The following PLEC variants were observed in gnomAD, a reference collection of about 807,000 sequenced individuals.
PLEC encodes the protein hemidesmosomal protein 1.
In PLEC, 216 loss-of-function variants were observed where a neutral mutation model predicts 392.8. That is an observed-to-expected ratio of 0.55 (90% CI 0.49 to 0.62). The LOEUF (loss-of-function observed/expected upper bound fraction) is 0.62. Among genes scored for constraint, PLEC ranks in the 20% least tolerant of loss-of-function variants. The pLI is 0.00. For synonymous variants in PLEC, 3,621 were observed against 2,980.6 expected (o/e 1.21, Z -7.00); for missense variants, 6,863 against 6,563.4 (o/e 1.05, Z -1.58).
At position 143,923,964 on chromosome 8, in the gene PLEC, G is replaced by A. The variant is rs201465091; in HGVS notation, c.5965C>T (p.Arg1989Cys). 707 of 1,587,282 alleles carry A rather than the reference G, an allele frequency of 4.5e-4. No homozygotes were observed. The highest frequency in any genetic ancestry group is 5.9e-4 in the Non-Finnish European group (687 of 1,172,960). ...TCGGCCGCCAGGCTCTTCTGCACGC[G>A]CTCCTCAGCCTCACGGCGCCGCCGC... ...EERRRREAEE[R>C]VQKSLAAEEE... Residue 1989 changes from arginine (R) to cysteine (C), a missense_variant, in exon 31 of 32, where the codon CGC becomes TGC. Coordinates refer to ENST00000345136, the MANE Select transcript of PLEC (RefSeq NM_201384.3).
rs1586970289 is a variant in PLEC at position 143,927,514 on chromosome 8, G to A, written c.3652C>T (p.Pro1218Ser). The part of the protein sequence containing the change: ...QLRYYRESAD[P>S]LGAWLQDARR... ...GCGTCCTGCAGCCAGGCGCCCAAGG[G>A]GTCTGCACTCTCGCGGTAGTAACGC... The change falls in exon 27 of 32, where the codon CCC (proline) becomes TCC (serine). Residue 1218 changes from proline to serine, a missense_variant. By Grantham distance (74) the Pro-to-Ser change is moderately conservative (BLOSUM62 -1). Coordinates refer to ENST00000345136, the MANE Select transcript of PLEC (RefSeq NM_201384.3). 4 of 1,597,606 alleles carry A rather than the reference G, an allele frequency of 2.5e-6. No homozygotes were observed. The highest frequency in any genetic ancestry group is 1.7e-4 in the Middle Eastern group (1 of 6,056).
At chr8:143,935,416 G>A in intron 6 of PLEC, 103 bp from the exon 7 acceptor site, 1 of 796,006 alleles carries the variant, frequency 1.3e-6, no homozygotes, top group Non-Finnish European at 2.1e-6. Flanking sequence ...AGCAACCATG[G>A]ACCCCCCCAA....
At position 143,919,649 on chromosome 8, in the gene PLEC, G is replaced by A. The variant is rs782323037; in HGVS notation, c.10172C>T (p.Ala3391Val). Residue 3391 changes from alanine to valine, a missense_variant, in exon 32 of 32, where the codon GCG becomes GTG. Physicochemically the swap from Ala to Val is moderately conservative, Grantham distance 64 (BLOSUM62 0). Coordinates refer to ENST00000345136, the MANE Select transcript of PLEC (RefSeq NM_201384.3). ...CACCAGGAAGCCAGTGGCCGCCTGC[G>A]CCTCCAGCAGGAGCGCAGCCGTTGT... ...RATTAALLLE[A>V]QAATGFLVDP... The A allele has an allele frequency of 2.6e-5, 42 of 1,588,154 alleles. No individual in the cohort carries two copies. Among genetic ancestry groups the A allele is most frequent in the Middle Eastern group, 1.7e-4 (1 of 5,926 alleles).
At position 143,967,538 on chromosome 8, in the gene PLEC, G is replaced by A. The variant is rs141376975; in HGVS notation, c.70+5865C>T. On this transcript the variant is annotated intron_variant, in intron 1 of 31. Transcript: ENST00000356346. ...CACAGGCAACTTCGAAGTTTACGCCGAATACAAGTGTCCCTCGGTATCAGC... is the reference window on the plus strand; with the variant it reads ...CACAGGCAACTTCGAAGTTTACGCCAAATACAAGTGTCCCTCGGTATCAGC... Among the ~76,000 whole-genome samples, 401 of 152,192 alleles carry A rather than the reference G, an allele frequency of 2.6e-3. 2 individuals carry two copies. The highest frequency in any genetic ancestry group is 7.9e-3 in the African/African-American group (328 of 41,512).
At position 143,935,922 on chromosome 8, in the gene PLEC, C is replaced by CT; in HGVS notation, c.527dup (p.Leu178ProfsTer62). 1 of 1,612,994 alleles carries CT rather than the reference C, an allele frequency of 6.2e-7. No individual in the cohort carries two copies. Among genetic ancestry groups the CT allele is most frequent in the East Asian group, 2.2e-5 (1 of 44,886 alleles). On this transcript the variant is annotated frameshift_variant, in exon 6 of 32. Transcript: ENST00000345136. LOFTEE classifies it high-confidence loss of function. Reference sequence around the variant, plus strand: ...AGGTGAAGTTGTCGCATCGCAGGCCCTGGTACCCCTCCACCATTCGCTGCG... The same window carrying CT: ...AGGTGAAGTTGTCGCATCGCAGGCCCTTGGTACCCCTCCACCATTCGCTGCG...
upstream of PLEC, chr8:143,975,282 G>T: frequency 6.2e-7 from 1 of 1,610,008 alleles, no homozygotes. The surrounding 1 kb of genome is among the most constrained non-coding windows in gnomAD (Gnocchi z 9.9). Context: ...AGGTTCCAGG[G>T]CAGTGTGTCC....
chr8:143,952,228 G>A (rs781137350), upstream of PLEC, among the ~76,000 whole-genome samples: 6 of 145,002 alleles, frequency 4.1e-5, no homozygotes, highest in African/African-American at 1.1e-4. Flanking sequence ...ACACGCACGC[G>A]CACGCGCACG....
chr8:143,920,601 C>T lies in PLEC; in HGVS notation c.9220G>A (p.Ala3074Thr), dbSNP rs369807832. The change falls in exon 32 of 32, where the codon GCC becomes ACC. Residue 3074 changes from alanine (A) to threonine (T), a missense_variant. Physicochemically the swap from Ala to Thr is moderately conservative, Grantham distance 58. Transcript: ENST00000345136. Reference sequence around the variant, plus strand: ...ACTGCCTCGTCCACGGTCAGCCGGGCGCTGGTGGCGGGGTCGATGATGTGC... The same window carrying T: ...ACTGCCTCGTCCACGGTCAGCCGGGTGCTGGTGGCGGGGTCGATGATGTGC... ...TGHIIDPATS[A>T]RLTVDEAVRA... The T allele has an allele frequency of 6.6e-5, 106 of 1,609,366 alleles. No individual in the cohort carries two copies. The East Asian group carries it at 1.2e-3, about 18-fold the overall frequency.
At position 143,925,075 on chromosome 8, in the gene PLEC, G is replaced by A. The variant is rs7011480; in HGVS notation, c.4854C>T (p.Ala1618=). The A allele has an allele frequency of 1.1e-3, 1,683 of 1,538,328 alleles. 13 individuals carry two copies. In the African/African-American group the frequency reaches 0.02, roughly 18 times the overall value. The change falls in exon 31 of 32, where the codon GCC becomes GCT. Residue 1618 remains alanine, a synonymous_variant. Coordinates refer to ENST00000345136, the MANE Select transcript of PLEC (RefSeq NM_201384.3). ...CCTCCTCGCGCGCCCGCTCGGCCTC[G>A]GCCTGCTGCTGTGCCCGCCGCTCAG... ...EEAERRAQQQ[A]EAERAREEAE...
chr8:143,927,805 GC>G, intron 26 of PLEC, 39 bp from the exon 27 acceptor site: 1 of 1,580,682 alleles, frequency 6.3e-7, no homozygotes, highest in Non-Finnish European at 8.6e-7. Flanking sequence ...CTTCAGCTGG[GC>G]CCGCTGTACC....
chr8:143,953,606 G>T, upstream of PLEC: 1 of 1,098,404 alleles, frequency 9.1e-7, no homozygotes. Flanking sequence ...CTGGCTCAGC[G>T]ACCCACAGTG....
chr8:143,951,781 A>T (rs1324227657), upstream of PLEC, among the ~76,000 whole-genome samples: 1 of 152,188 alleles, frequency 6.6e-6, no homozygotes, highest in Non-Finnish European at 1.5e-5. Context: ...ATGCCAGGCC[A>T]GAAGACGGCC....
chr8:143,927,904 C>T lies in PLEC; in HGVS notation c.3349G>A (p.Ala1117Thr), dbSNP rs1825820337. The change falls in exon 26 of 32, where the codon GCC (alanine) becomes ACC (threonine). Residue 1117 changes from alanine to threonine, a missense_variant. Transcript: ENST00000345136. ...AGCTCCGGGAGGGTGGCCGGCACGG[C>T]CTGGGCCTCCTTGAGCTGCTCCTCG... is the stretch of plus-strand genomic sequence containing the variant. The part of the protein sequence containing the change: ...AHEEQLKEAQ[A>T]VPATLPELEA... The T allele has an allele frequency of 1.9e-6, 3 of 1,597,042 alleles. No individual in the cohort carries two copies. Among genetic ancestry groups the T allele is most frequent in the African/African-American group, 2.7e-5 (2 of 74,816 alleles).
At chr8:143,940,545 G>A (rs566928149), upstream of PLEC, among the ~76,000 whole-genome samples, 160 of 152,290 alleles carry the variant, frequency 1.1e-3, 1 homozygote, top group African/African-American at 3.8e-3. Flanking sequence ...TGGGGCCTCC[G>A]GCTCCCTGGG....
intron 5 of PLEC, among the ~76,000 whole-genome samples, chr8:143,936,556 G>A (rs969749200): frequency 6.6e-6 from 1 of 152,194 alleles, no homozygotes; most frequent in Admixed American, 6.5e-5. Flanking sequence ...GCTGCCTGTC[G>A]TCCTGCCAGC....
rs545442443 is a variant in PLEC at position 143,938,055 on chromosome 8, G to A, written c.264+96C>T. 39 of 860,366 alleles carry A rather than the reference G, an allele frequency of 4.5e-5. No homozygotes were observed. The East Asian group carries it at 8.4e-4, about 19-fold the overall frequency. The allele number at this position is 860,366 out of a possible 1,614,324, so 53.3% of individuals were successfully genotyped here. Reference sequence around the variant, plus strand: ...CAGGAGGGGTTGAGCTGGATTCCAAGTAGAGTGGGCGGCCGGAGAGGCCCC... The same window carrying A: ...CAGGAGGGGTTGAGCTGGATTCCAAATAGAGTGGGCGGCCGGAGAGGCCCC... On this transcript the variant is annotated intron_variant, in intron 3 of 31. Transcript: ENST00000345136.
intron 1 of PLEC, among the ~76,000 whole-genome samples, chr8:143,961,473 C>T (rs1221398582): frequency 6.6e-6 from 1 of 152,194 alleles, no homozygotes. Context: ...ATCTGCCCAA[C>T]TCGGCCCCCC....
At position 143,915,160 on chromosome 8, in the gene PLEC, G is replaced by A. The variant is rs1432245537; in HGVS notation, c.*1017C>T. 6.6e-6 allele frequency: 1 copy of A among 152,654 alleles called. No individual in the cohort carries two copies. The highest frequency in any genetic ancestry group is 1.9e-4 in the East Asian group (1 of 5,202). 9.5% of individuals were successfully genotyped at this position (152,654 alleles called of 1,614,324 possible). A position where few individuals can be genotyped will look rare whatever the true frequency, so the allele number is the denominator to read the frequency against. On this transcript the variant is annotated 3_prime_UTR_variant, in exon 32 of 32. Transcript: ENST00000345136. Reference sequence around the variant, plus strand: ...CAAGGCCGGAGGCACGGGAAGGTTGGAATTGCTTTTATTGGGGGCGGATAC... The same window carrying A: ...CAAGGCCGGAGGCACGGGAAGGTTGAAATTGCTTTTATTGGGGGCGGATAC...
In PLEC at chr8:143,929,956, G is replaced by A. The variant is rs201386370; in HGVS notation, c.2719C>T (p.Arg907Cys). ...CGTACCGTGGCCAGGGACCAGGAGC[G>A]GATGAGCTGCACGTCGCGGCGAAGG... ...QSLRRDVQLI[R>C]SWSLATFRTL... Residue 907 changes from arginine to cysteine, a missense_variant, in exon 22 of 32, where the codon CGC becomes TGC. Arg to Cys is a radical substitution (Grantham distance 180). Coordinates refer to ENST00000345136, the MANE Select transcript of PLEC (RefSeq NM_201384.3). The A allele has an allele frequency of 2.0e-4, 324 of 1,610,866 alleles. No homozygotes were observed. The highest frequency in any genetic ancestry group is 2.4e-4 in the Non-Finnish European group (287 of 1,179,504).
Sources: gnomAD v4.1 joint callset for allele counts (sites outside exome capture counted in the v4.1 genomes callset) on GRCh38, gnomAD v4.1.1 for gene constraint, Gnocchi (gnomAD v3.1) non-coding constraint, MANE v1.5 for transcripts, NCBI Gene and HGNC (gene_info 2026-07-23, HGNC 2026-07-21) for gene names.